RRP1B: variants seen among roughly 807,000 people sequenced by gnomAD.
RRP1B encodes the protein ribosomal RNA processing protein 1 homolog B.
In RRP1B, 56 loss-of-function variants were observed where a neutral mutation model predicts 80.2. The observed-to-expected ratio is 0.70, with a 90% CI of 0.56 to 0.87. The LOEUF (loss-of-function observed/expected upper bound fraction) is 0.87. Among genes scored for constraint, RRP1B ranks in the 40% least tolerant of loss-of-function variants. The pLI, the probability that RRP1B is intolerant of heterozygous loss-of-function variation, is 0.00. For synonymous variants in RRP1B, 351 were observed against 357.6 expected (o/e 0.98, Z 0.21); for missense variants, 807 against 939.8 (o/e 0.86, Z 1.85).
At chr21:43,676,556 C>G (rs1185994385) in intron 7 of RRP1B, among the ~76,000 whole-genome samples, 177 bp from the exon 8 acceptor site, 1 of 152,270 alleles carries the variant, frequency 6.6e-6, no homozygotes, top group Non-Finnish European at 1.5e-5. Flanking sequence ...GATCTGACCG[C>G]TGGGCGTCCC....
At chr21:43,675,833 G>C (rs1266569633) in intron 6 of RRP1B, among the ~76,000 whole-genome samples, 1 of 145,722 alleles carries the variant, frequency 6.9e-6, no homozygotes, top group Non-Finnish European at 1.5e-5. Context: ...AAAATATGAG[G>C]GGTATTTTGC....
intron 11 of RRP1B, chr21:43,686,331 G>C (rs967738080): frequency 6.2e-6 from 1 of 161,484 alleles, no homozygotes; most frequent in African/African-American, 2.4e-5. Flanking sequence ...CAATGGCCTA[G>C]GAAGGTTTTA....
At chr21:43,679,757 A>G (rs904525057) in intron 8 of RRP1B, among the ~76,000 whole-genome samples, 1 of 152,140 alleles carries the variant, frequency 6.6e-6, no homozygotes, top group African/African-American at 2.4e-5. Flanking sequence ...GATTCTACCC[A>G]TCCGTGAGCA....
intron 12 of RRP1B, 148 bp from the exon 13 acceptor site, chr21:43,687,368 C>A: frequency 2.4e-6 from 2 of 841,334 alleles, no homozygotes; most frequent in Non-Finnish European, 3.5e-6. Flanking sequence ...AGGTAGTGGG[C>A]GCACCAAGTA....
intron 5 of RRP1B, 128 bp downstream of exon 5, chr21:43,674,825 T>A: frequency 9.5e-7 from 1 of 1,055,760 alleles, no homozygotes; most frequent in Non-Finnish European, 1.4e-6. Context: ...AGAATTGAAA[T>A]CCAGTAGAAG....
rs772627269 is a variant in RRP1B, at chr21:43,688,205, G to C, written c.1831G>C (p.Val611Leu). 1 of 1,572,590 alleles carries C rather than the reference G, an allele frequency of 6.4e-7. No homozygotes were observed. Among genetic ancestry groups the C allele is most frequent in the Admixed American group, 1.9e-5 (1 of 53,774 alleles). ...GTCAAACTTGGTGGAGCACAACGGG[G>C]TGCTGGAGTCCGAAGCTGGGCAACC... The part of the protein sequence containing the change: ...VMSNLVEHNG[V>L]LESEAGQPQA... The change falls in exon 13 of 16, where the codon GTG (valine) becomes CTG (leucine). Residue 611 changes from valine to leucine, a missense_variant. Val to Leu is a conservative substitution (Grantham distance 32, BLOSUM62 1). Coordinates refer to ENST00000340648, the MANE Select transcript of RRP1B (RefSeq NM_015056.3).
In RRP1B at chr21:43,659,594, C is replaced by A. The variant is rs1601746949; in HGVS notation, c.-71C>A. On this transcript the variant is annotated 5_prime_UTR_variant, in exon 1 of 16. In the 5' UTR this introduces an upstream ATG that the reference lacks. Transcript: ENST00000340648. This position sits in a 1 kb window ranked among gnomAD's most constrained non-coding sequence, Gnocchi z 4.2. Reference sequence around the variant, plus strand: ...CGCGGCCCGGGCGGACGGTGGCTGGCTGCTCCGCAGCGCTCGGCTGGCTGC... The same window carrying A: ...CGCGGCCCGGGCGGACGGTGGCTGGATGCTCCGCAGCGCTCGGCTGGCTGC... The A allele has an allele frequency of 7.7e-7, 1 of 1,299,024 alleles. No individual in the cohort carries two copies. 80.5% of individuals were successfully genotyped at this position (1,299,024 alleles called of 1,614,324 possible).
At chr21:43,685,708 G>A (rs975290371) in intron 10 of RRP1B, 62 bp from the exon 11 acceptor site, 4 of 1,228,070 alleles carry the variant, frequency 3.3e-6, no homozygotes, top group Admixed American at 5.4e-5. Context: ...GAAGACAGAA[G>A]GGATTTCTTT....
At chr21:43,672,199 G>A (rs148655775) in intron 2 of RRP1B, 109 bp from the exon 3 acceptor site, 2 of 863,694 alleles carry the variant, frequency 2.3e-6, no homozygotes, top group Non-Finnish European at 3.9e-6. Context: ...TGACAAGAGG[G>A]GCAGACCTTC....
Position 43,693,468 on chromosome 21 carries a change from T to C in RRP1B, c.*85T>C, listed in dbSNP as rs781038263. On this transcript the variant is annotated 3_prime_UTR_variant, in exon 16 of 16. Coordinates refer to ENST00000340648, the MANE Select transcript of RRP1B (RefSeq NM_015056.3). This position sits in a 1 kb window ranked among gnomAD's most constrained non-coding sequence, Gnocchi z 4.1. Reference sequence around the variant, plus strand: ...CTTTAAGAATGTGGGGCCTTTTTTATGATTTTGTAAGTTCCCATAAGTTGT... The same window carrying C: ...CTTTAAGAATGTGGGGCCTTTTTTACGATTTTGTAAGTTCCCATAAGTTGT... The C allele has an allele frequency of 7.1e-5, 94 of 1,325,430 alleles. No individual in the cohort carries two copies. Among genetic ancestry groups the C allele is most frequent in the Middle Eastern group, 2.6e-4 (1 of 3,844 alleles). The allele number at this position is 1,325,430 out of a possible 1,614,324, so 82.1% of individuals were successfully genotyped here.
intron 8 of RRP1B, among the ~76,000 whole-genome samples, chr21:43,677,990 T>C (rs565725248): frequency 6.6e-6 from 1 of 152,254 alleles, no homozygotes; most frequent in East Asian, 1.9e-4. Flanking sequence ...CTTTTTCATA[T>C]AGTGGCTTCT....
intron 1 of RRP1B, among the ~76,000 whole-genome samples, chr21:43,668,509 A>G (rs1332616272): frequency 1.3e-5 from 2 of 151,722 alleles, no homozygotes; most frequent in Admixed American, 1.3e-4. Flanking sequence ...CTGGGACTAT[A>G]GGCGCCCGCC....
Position 43,659,739 on chromosome 21 carries a change from C to A in RRP1B, c.75C>A (p.Asp25Glu), listed in dbSNP as rs1254075925. ...RLASSEKGIRDRAVKKLRQYI... is the reference protein window; with the variant it reads ...RLASSEKGIRERAVKKLRQYI... The stretch of plus-strand genomic sequence containing the variant: ...CGTCCAGCGAGAAGGGCATCCGGGA[C>A]CGAGCGGTGAAGAAGCTGCGCCAGT... The change falls in exon 1 of 16, where the codon GAC (aspartate) becomes GAA (glutamate). Residue 25 changes from aspartate (D) to glutamate (E), a missense_variant. Asp to Glu is a conservative substitution (Grantham distance 45). Transcript: ENST00000340648. This position sits in a 1 kb window ranked among gnomAD's most constrained non-coding sequence, Gnocchi z 4.2. 2.6e-6 allele frequency: 4 copies of A among 1,530,472 alleles called. No individual in the cohort carries two copies. Among genetic ancestry groups the A allele is most frequent in the Middle Eastern group, 1.7e-4 (1 of 5,962 alleles). The allele number at this position is 1,530,472 out of a possible 1,614,324, so 94.8% of individuals were successfully genotyped here.
chr21:43,684,017 G>T (rs1486679639), intron 9 of RRP1B, among the ~76,000 whole-genome samples: 1 of 147,328 alleles, frequency 6.8e-6, no homozygotes, highest in African/African-American at 2.6e-5. Flanking sequence ...TTTGTTGTGG[G>T]TACTCTATCA....
rs951980632 is a variant in RRP1B at position 43,659,572 on chromosome 21, G to T, written c.-93G>T. ...CCGCCGCCGCCTTCTGTGCAGTCGC[G>T]GCCCGGGCGGACGGTGGCTGGCTGC... On this transcript the variant is annotated 5_prime_UTR_variant, in exon 1 of 16. Coordinates refer to ENST00000340648, the MANE Select transcript of RRP1B (RefSeq NM_015056.3). The surrounding 1 kb of genome is among the most constrained non-coding windows in gnomAD (Gnocchi z 4.2). 2.4e-6 allele frequency: 3 copies of T among 1,239,284 alleles called. No individual in the cohort carries two copies. Among genetic ancestry groups the T allele is most frequent in the Non-Finnish European group, 3.0e-6 (3 of 989,934 alleles). 76.8% of individuals were successfully genotyped at this position (1,239,284 alleles called of 1,614,324 possible). A position where few individuals can be genotyped will look rare whatever the true frequency, so the allele number is the denominator to read the frequency against.
intron 1 of RRP1B, among the ~76,000 whole-genome samples, chr21:43,665,524 C>T (rs2082974875): frequency 6.6e-6 from 1 of 152,166 alleles, no homozygotes. Flanking sequence ...ACATCTACGC[C>T]ATGCTAGTTT....
chr21:43,669,561 C>T lies in RRP1B; in HGVS notation c.131-323C>T, dbSNP rs570748624. On this transcript the variant is annotated intron_variant, in intron 1 of 15. Transcript: ENST00000340648. ...AATGTCAGTGTGCAGGATGGCTGCACGTGGTGGGCGGGGAGGGCGTTGATG... is the reference window on the plus strand; with the variant it reads ...AATGTCAGTGTGCAGGATGGCTGCATGTGGTGGGCGGGGAGGGCGTTGATG... 9.7e-4 allele frequency among the ~76,000 whole-genome samples: 147 copies of T among 152,190 alleles called. 2 individuals carry two copies. Among genetic ancestry groups the T allele is most frequent in the African/African-American group, 3.3e-3 (139 of 41,524 alleles).
intron 8 of RRP1B, among the ~76,000 whole-genome samples, chr21:43,678,626 G>GT (rs2083031324): frequency 6.6e-6 from 1 of 152,048 alleles, no homozygotes; most frequent in African/African-American, 2.4e-5. Context: ...TGATGGGATT[G>GT]TTTTTTTCTT....
chr21:43,679,518 C>T (rs1326148803), intron 8 of RRP1B, among the ~76,000 whole-genome samples: 1 of 152,170 alleles, frequency 6.6e-6, no homozygotes, highest in African/African-American at 2.4e-5. Context: ...AGTGATCCAC[C>T]AGCTTCAGCC....
Sources: allele counts gnomAD v4.1 joint callset (sites outside exome capture counted in the v4.1 genomes callset), GRCh38; gene constraint gnomAD v4.1.1; non-coding constraint Gnocchi (gnomAD v3.1); transcripts MANE v1.5; gene names NCBI Gene and HGNC (gene_info 2026-07-23, HGNC 2026-07-21).